Variants in SH3GL3 observed in about 807,000 individuals in gnomAD.
The protein encoded by SH3GL3 is endophilin-A3.
In SH3GL3, 33 loss-of-function variants were observed where a neutral mutation model predicts 47.7. The observed-to-expected ratio is 0.69, with a 90% CI of 0.52 to 0.92. The LOEUF (loss-of-function observed/expected upper bound fraction) is 0.92, where lower values mean the gene tolerates loss of function less well. SH3GL3 is among the 40% of genes least tolerant of loss of function. The pLI, the probability that SH3GL3 is intolerant of heterozygous loss-of-function variation, is 0.00. For synonymous variants in SH3GL3, 155 were observed against 148.8 expected (o/e 1.04, Z -0.30); for missense variants, 363 against 417.8 (o/e 0.87, Z 1.14).
At chr15:83,570,232 C>T (rs1003551506) in intron 4 of SH3GL3, among the ~76,000 whole-genome samples, 7 of 152,088 alleles carry the variant, frequency 4.6e-5, no homozygotes, top group Non-Finnish European at 8.8e-5. Flanking sequence ...AAATAAATAG[C>T]TTGTTTCAGT....
intron 1 of SH3GL3, among the ~76,000 whole-genome samples, chr15:83,516,119 A>G (rs1238069917): frequency 7.7e-6 from 1 of 129,610 alleles, no homozygotes; most frequent in Non-Finnish European, 1.6e-5. Flanking sequence ...GGAGGGATAC[A>G]TGGGGGGCTT....
Position 83,490,433 on chromosome 15 carries a change from G to A in SH3GL3, c.45+42855G>A, listed in dbSNP as rs567798058. Among the ~76,000 whole-genome samples, 5 of 152,170 alleles carry A rather than the reference G, an allele frequency of 3.3e-5. No individual in the cohort carries two copies. In the South Asian group the frequency reaches 8.3e-4, roughly 25 times the overall value. ...CTCCTCTCAGAGAGGAAGCCAAGGT[G>A]GCCAGATTACAATTTGTTTTTTCTG... On this transcript the variant is annotated intron_variant, in intron 1 of 8. Transcript: ENST00000427482.
At chr15:83,498,122 T>C (rs534950123) in intron 1 of SH3GL3, among the ~76,000 whole-genome samples, 2 of 152,354 alleles carry the variant, frequency 1.3e-5, no homozygotes, top group African/African-American at 4.8e-5. Flanking sequence ...TCTTGAGCTT[T>C]AGGCAGCCTA....
chr15:83,459,351 C>T (rs1371393703), intron 1 of SH3GL3, among the ~76,000 whole-genome samples: 1 of 152,184 alleles, frequency 6.6e-6, no homozygotes, highest in Admixed American at 6.5e-5. Flanking sequence ...TCAATCCAAT[C>T]AAGTTGACAC....
intron 1 of SH3GL3, among the ~76,000 whole-genome samples, chr15:83,517,248 A>G (rs1448297828): frequency 7.3e-6 from 1 of 137,460 alleles, no homozygotes; most frequent in Non-Finnish European, 1.5e-5. Context: ...TCTGTCGCCC[A>G]GTCTGGAGTG....
rs1411160083 is a variant in SH3GL3 at position 83,618,466 on chromosome 15, CT to C, written c.*181del. 9 of 535,758 alleles carry C rather than the reference CT, an allele frequency of 1.7e-5. No individual in the cohort carries two copies. In the Admixed American group the frequency reaches 2.8e-4, roughly 17 times the overall value. The allele number at this position is 535,758 out of a possible 1,614,324, so 33.2% of individuals were successfully genotyped here. The stretch of plus-strand genomic sequence containing the variant: ...AATTTGTATAAATGATTTTCTTGTC[CT>C]TGCTACATGAAAATATTTTCTTTTT... On this transcript the variant is annotated 3_prime_UTR_variant, in exon 9 of 9. Transcript: ENST00000427482.
chr15:83,590,401 C>T (rs1347885996), intron 8 of SH3GL3, among the ~76,000 whole-genome samples: 1 of 152,152 alleles, frequency 6.6e-6, no homozygotes, highest in Non-Finnish European at 1.5e-5. Context: ...TGAAGTTATT[C>T]TTCTACAGTT....
intron 1 of SH3GL3, among the ~76,000 whole-genome samples, chr15:83,514,854 TC>T (rs1253323655): frequency 1.3e-5 from 2 of 152,092 alleles, no homozygotes; most frequent in Non-Finnish European, 2.9e-5. Context: ...GCTGGGAAAT[TC>T]CCCTCACCGC....
rs889490134 is a variant in SH3GL3, at chr15:83,448,442, A to ATATGTGTGTGTG, written c.45+865_45+866insATGTGTGTGTGT. ...AAACAGGAGGGGAGACATGAAATTG[A>ATATGTGTGTGTG]TGTGTGTGTGTGTGTGTGTGTGTGT... is the stretch of plus-strand genomic sequence containing the variant. On this transcript the variant is annotated intron_variant, in intron 1 of 8. Transcript: ENST00000427482. This position sits in a 1 kb window ranked among gnomAD's most constrained non-coding sequence, Gnocchi z 4.2. Among the ~76,000 whole-genome samples, 4 of 140,740 alleles carry ATATGTGTGTGTG rather than the reference A, an allele frequency of 2.8e-5. No individual in the cohort carries two copies. The highest frequency in any genetic ancestry group is 1.1e-4 in the African/African-American group (4 of 36,408). 92.3% of individuals were successfully genotyped at this position (140,740 alleles called of 152,430 possible).
intron 8 of SH3GL3, among the ~76,000 whole-genome samples, chr15:83,596,978 T>G (rs2060251100): frequency 2.0e-5 from 3 of 152,192 alleles, no homozygotes; most frequent in Admixed American, 2.0e-4. Context: ...TCCAGTTATT[T>G]ATTTAGCATA....
chr15:83,556,064 A>C (rs1465188374), intron 1 of SH3GL3, among the ~76,000 whole-genome samples: 1 of 152,210 alleles, frequency 6.6e-6, no homozygotes, highest in Non-Finnish European at 1.5e-5. Context: ...GTTGAATTTG[A>C]ATAGTCATCT....
intron 6 of SH3GL3, among the ~76,000 whole-genome samples, chr15:83,583,526 G>C (rs1278828998): frequency 6.6e-6 from 1 of 152,100 alleles, no homozygotes; most frequent in East Asian, 1.9e-4. Flanking sequence ...AGTGTCCCTG[G>C]GGTTTCCATA....
chr15:83,560,739 C>T (rs1350167169), intron 2 of SH3GL3, among the ~76,000 whole-genome samples: 1 of 152,008 alleles, frequency 6.6e-6, no homozygotes, highest in Admixed American at 6.5e-5. Flanking sequence ...AGAAGAGATG[C>T]ATTAGATGGT....
chr15:83,627,593 GACA>G, the SH3GL3 span, among the ~76,000 whole-genome samples: 36 of 152,236 alleles, frequency 2.4e-4, no homozygotes, highest in East Asian at 6.2e-3. Context: ...TTAGAATCTA[GACA>G]ACTTTTTTTT....
chr15:83,568,186 G>A (rs1330108260), intron 3 of SH3GL3, among the ~76,000 whole-genome samples: 1 of 152,042 alleles, frequency 6.6e-6, no homozygotes, highest in African/African-American at 2.4e-5. Flanking sequence ...GTTTCTCCAT[G>A]TTGGTCAGGC....
rs578253442 is a variant in SH3GL3, at chr15:83,601,948, CA to C, written c.838+13191del. On this transcript the variant is annotated intron_variant, in intron 8 of 8. Transcript: ENST00000427482. Reference sequence around the variant, plus strand: ...ATTATGCTAACACTAGTTTGTGTCTCAAAAAAAAAAAAAACAAAACATAAAA... The same window carrying C: ...ATTATGCTAACACTAGTTTGTGTCTCAAAAAAAAAAAAACAAAACATAAAA... Among the ~76,000 whole-genome samples the C allele has an allele frequency of 2.6e-3, 295 of 114,848 alleles. 3 individuals carry two copies. The South Asian group carries it at 0.032, about 12-fold the overall frequency. The allele number at this position is 114,848 out of a possible 152,430, so 75.3% of individuals were successfully genotyped here. A position where few individuals can be genotyped will look rare whatever the true frequency, so the allele number is the denominator to read the frequency against.
At chr15:83,488,033 G>C (rs563796800) in intron 1 of SH3GL3, 1 of 151,872 alleles carries the variant, frequency 6.6e-6, no homozygotes, top group African/African-American at 2.4e-5. Context: ...ATGCCACCAA[G>C]CCCGTCTAAT....
chr15:83,570,614 A>T (rs2151765993), intron 4 of SH3GL3, among the ~76,000 whole-genome samples: 1 of 152,336 alleles, frequency 6.6e-6, no homozygotes, highest in African/African-American at 2.4e-5. Flanking sequence ...AGAATTTGGC[A>T]TATTTGCTAT....
intron 8 of SH3GL3, among the ~76,000 whole-genome samples, chr15:83,599,264 G>A (rs2060316902): frequency 6.6e-6 from 1 of 152,092 alleles, no homozygotes; most frequent in Non-Finnish European, 1.5e-5. Flanking sequence ...AAGCTGTTTA[G>A]TGGTGATATT....
Sources: gnomAD v4.1 joint callset for allele counts (sites outside exome capture counted in the v4.1 genomes callset) on GRCh38, gnomAD v4.1.1 for gene constraint, Gnocchi (gnomAD v3.1) non-coding constraint, MANE v1.5 for transcripts, NCBI Gene and HGNC (gene_info 2026-07-23, HGNC 2026-07-21) for gene names.